Variants in DLGAP4 observed in about 807,000 individuals in gnomAD.
DLGAP4 encodes DLG associated protein 4.
Under a neutral mutation model 86.9 loss-of-function variants are expected in DLGAP4, and 18 were observed. The observed-to-expected ratio is 0.21, with a 90% confidence interval of 0.14 to 0.31. The LOEUF is 0.31. Ranked by LOEUF, DLGAP4 falls within the 10% of genes least tolerant of loss-of-function variation. The probability of loss-of-function intolerance (pLI) is 1.00; values close to 1 mark genes in which losing one functional copy is unlikely to be tolerated. For missense variants in DLGAP4, 1,085 were observed against 1,362.6 expected, an observed-to-expected ratio of 0.80 and a Z score of 3.21; for synonymous variants, 548 against 574.3, an observed-to-expected ratio of 0.95 and a Z score of 0.65.
At chr20:36,407,485 G>T (rs926495153) in intron 2 of DLGAP4, among the ~76,000 whole-genome samples, 5 of 152,152 alleles carry the variant, frequency 3.3e-5, no homozygotes, top group African/African-American at 1.2e-4. Flanking sequence ...GTCCTCAAGG[G>T]ACTCAGAGTG....
intron 7 of DLGAP4, among the ~76,000 whole-genome samples, chr20:36,471,108 A>G (rs1249738891): frequency 6.6e-6 from 1 of 151,852 alleles, no homozygotes; most frequent in African/African-American, 2.4e-5. Flanking sequence ...CCCCGCCTTC[A>G]CCCCCAGATT....
chr20:36,384,872 C>A (rs756373503), intron 2 of DLGAP4, among the ~76,000 whole-genome samples: 6 of 152,156 alleles, frequency 3.9e-5, no homozygotes, highest in Non-Finnish European at 8.8e-5. Flanking sequence ...CTGTACTGGG[C>A]ACCTGACAAA....
chr20:36,512,332 G>C (rs1013423949), intron 10 of DLGAP4, among the ~76,000 whole-genome samples: 1 of 152,070 alleles, frequency 6.6e-6, no homozygotes, highest in Non-Finnish European at 1.5e-5. Flanking sequence ...TTACAGGCGT[G>C]AGCCACCATG....
chr20:36,334,848 C>G (rs946809353), intron 1 of DLGAP4, among the ~76,000 whole-genome samples: 2 of 152,100 alleles, frequency 1.3e-5, no homozygotes, highest in Non-Finnish European at 2.9e-5. Context: ...CCCTTTCCCC[C>G]AGTCCTGCCT....
Position 36,308,671 on chromosome 20 carries a change from T to C in DLGAP4, c.-304+2159T>C, listed in dbSNP as rs578008912. Among the ~76,000 whole-genome samples, 1 of 152,248 alleles carries C rather than the reference T, an allele frequency of 6.6e-6. No individual in the cohort carries two copies. Among genetic ancestry groups the C allele is most frequent in the East Asian group, 1.9e-4 (1 of 5,178 alleles). On this transcript the variant is annotated intron_variant, in intron 1 of 12. Coordinates refer to ENST00000339266, the MANE Select transcript of DLGAP4 (RefSeq NM_001365621.2). The surrounding 1 kb of genome is among the most constrained non-coding windows in gnomAD (Gnocchi z 4.5). Reference sequence around the variant, plus strand: ...GTTTGTGAGCCACAGGCTTCGTAAATGCCAGCAGTTTCACATGATGGGGAG... The same window carrying C: ...GTTTGTGAGCCACAGGCTTCGTAAACGCCAGCAGTTTCACATGATGGGGAG...
intron 7 of DLGAP4, among the ~76,000 whole-genome samples, chr20:36,467,052 CT>C (rs2034430387): frequency 1.2e-4 from 16 of 134,362 alleles, no homozygotes; most frequent in African/African-American, 4.6e-4. Context: ...CTCTCTCTCT[CT>C]CTCTCTCTCT....
chr20:36,489,919 C>T (rs931121801), intron 7 of DLGAP4, among the ~76,000 whole-genome samples: 3 of 139,150 alleles, frequency 2.2e-5, no homozygotes, highest in Admixed American at 7.8e-5. Context: ...AGTGCAGTGG[C>T]GCAATCCTGG....
At chr20:36,316,969 C>A (rs1473008197) in intron 1 of DLGAP4, among the ~76,000 whole-genome samples, 2 of 152,190 alleles carry the variant, frequency 1.3e-5, no homozygotes, top group Non-Finnish European at 2.9e-5. Context: ...GGGAGAAGCT[C>A]AGCTGTTTGA....
At chr20:36,424,661 A>G (rs1040936041) in intron 2 of DLGAP4, among the ~76,000 whole-genome samples, 1 of 151,308 alleles carries the variant, frequency 6.6e-6, no homozygotes, top group Non-Finnish European at 1.5e-5. Context: ...CATTCCTCTG[A>G]CCCCAGATGA....
chr20:36,413,051 C>G (rs2147505010), intron 2 of DLGAP4, among the ~76,000 whole-genome samples: 1 of 148,162 alleles, frequency 6.7e-6, no homozygotes, highest in South Asian at 2.1e-4. Flanking sequence ...GCGATCTTGG[C>G]TCACTGCAAC....
chr20:36,344,738 C>T (rs1427991554), intron 1 of DLGAP4, among the ~76,000 whole-genome samples: 5 of 152,220 alleles, frequency 3.3e-5, no homozygotes, highest in African/African-American at 9.7e-5. Flanking sequence ...ACCTGGGCCT[C>T]GGCTGGGCCT....
rs530178681 is a variant in DLGAP4, at chr20:36,431,001, T to C, written c.-72-645T>C. 4.4e-4 allele frequency among the ~76,000 whole-genome samples: 66 copies of C among 149,194 alleles called. 1 individual carries two copies. Among genetic ancestry groups the C allele is most frequent in the African/African-American group, 1.6e-3 (66 of 40,590 alleles). Reference sequence around the variant, plus strand: ...ACCTCTCTGGCCCTCTAAAAGTCCATGTTTTTCCCCATAAGGCAAGGAGAG... The same window carrying C: ...ACCTCTCTGGCCCTCTAAAAGTCCACGTTTTTCCCCATAAGGCAAGGAGAG... On this transcript the variant is annotated intron_variant, in intron 2 of 12. Transcript: ENST00000339266. This position sits in a 1 kb window ranked among gnomAD's most constrained non-coding sequence, Gnocchi z 5.1.
In DLGAP4 at chr20:36,525,517, C is replaced by CTT. The variant is rs1327843959; in HGVS notation, c.2605-333_2605-332dup. On this transcript the variant is annotated intron_variant, in intron 11 of 12. Transcript: ENST00000339266. ...CTTTCCCACCTGGGAGTGAATCGGG[C>CTT]TTCTCTCGGTGTCACTGTCACACCA... is the stretch of plus-strand genomic sequence containing the variant. The CTT allele has an allele frequency of 8.0e-6, 3 of 374,344 alleles. No individual in the cohort carries two copies. In the East Asian group the frequency reaches 1.5e-4, roughly 18 times the overall value. 23.2% of individuals were successfully genotyped at this position (374,344 alleles called of 1,614,324 possible).
intron 1 of DLGAP4, among the ~76,000 whole-genome samples, chr20:36,309,626 T>C (rs1330901189): frequency 1.3e-5 from 2 of 152,220 alleles, no homozygotes. Flanking sequence ...AGAGGGGCCA[T>C]GCTGGGGCAG....
chr20:36,451,066 T>C (rs935496756), intron 7 of DLGAP4, among the ~76,000 whole-genome samples: 1 of 152,218 alleles, frequency 6.6e-6, no homozygotes, highest in African/African-American at 2.4e-5. Context: ...CTTGCTTCCT[T>C]CCTAAAGAAA....
At chr20:36,489,801 C>G (rs970835143) in intron 7 of DLGAP4, among the ~76,000 whole-genome samples, 1 of 150,124 alleles carries the variant, frequency 6.7e-6, no homozygotes, top group Non-Finnish European at 1.5e-5. Context: ...GTGAGAGGGG[C>G]TGCCAGTCCC....
At chr20:36,475,431 G>A (rs1422414653) in intron 7 of DLGAP4, among the ~76,000 whole-genome samples, 5 of 151,842 alleles carry the variant, frequency 3.3e-5, no homozygotes, top group East Asian at 3.9e-4. Flanking sequence ...GGCTGGTCTC[G>A]AACTCCTGAC....
chr20:36,496,606 G>T, intron 7 of DLGAP4, 99 bp from the exon 8 acceptor site: 1 of 1,502,044 alleles, frequency 6.7e-7, no homozygotes, highest in Non-Finnish European at 8.9e-7. Flanking sequence ...CCCAGAGCTA[G>T]GGCCAAGTCA....
chr20:36,324,166 C>T (rs2147349301), intron 1 of DLGAP4, among the ~76,000 whole-genome samples: 2 of 152,226 alleles, frequency 1.3e-5, no homozygotes, highest in Middle Eastern at 3.4e-3. Context: ...GTGGCTCATA[C>T]CTGTGATCCC....
Sources: gnomAD v4.1 joint callset for allele counts (sites outside exome capture counted in the v4.1 genomes callset) on GRCh38, gnomAD v4.1.1 for gene constraint, Gnocchi (gnomAD v3.1) non-coding constraint, MANE v1.5 for transcripts, NCBI Gene and HGNC (gene_info 2026-07-23, HGNC 2026-07-21) for gene names.